DLD: variants seen among roughly 807,000 people sequenced by gnomAD.
DLD encodes dihydrolipoamide dehydrogenase.
A neutral mutation model predicts 62.2 loss-of-function variants in DLD; 36 were observed. The observed-to-expected ratio is 0.58, with a 90% CI of 0.44 to 0.76. The LOEUF (loss-of-function observed/expected upper bound fraction) is 0.76. DLD is among the 30% of genes least tolerant of loss of function. DLD has a pLI of 0.00. For synonymous variants in DLD, 204 were observed against 199.6 expected (o/e 1.02, Z -0.19); for missense variants, 541 against 608.6 (o/e 0.89, Z 1.17).
At chr7:107,909,308 A>T (rs1360771843) in intron 8 of DLD, among the ~76,000 whole-genome samples, 2 of 152,128 alleles carry the variant, frequency 1.3e-5, no homozygotes, top group Non-Finnish European at 2.9e-5. Flanking sequence ...CATAGTTCGT[A>T]AATTTTGGAA....
chr7:107,908,091 C>T (rs2032050289), intron 8 of DLD, among the ~76,000 whole-genome samples: 1 of 151,852 alleles, frequency 6.6e-6, no homozygotes, highest in Non-Finnish European at 1.5e-5. Flanking sequence ...GGGCTGAATT[C>T]TCCATATTAT....
intron 2 of DLD, among the ~76,000 whole-genome samples, chr7:107,896,176 A>G (rs1388438505): frequency 1.3e-5 from 2 of 152,256 alleles, no homozygotes; most frequent in Non-Finnish European, 2.9e-5. Flanking sequence ...AAGACACTGG[A>G]GAACCAACAG....
intron 9 of DLD, among the ~76,000 whole-genome samples, chr7:107,915,931 C>G (rs1174598828): frequency 6.6e-6 from 1 of 151,996 alleles, no homozygotes; most frequent in Non-Finnish European, 1.5e-5. Flanking sequence ...ATAGTACATT[C>G]AGAAAAATTT....
chr7:107,904,656 C>T, intron 5 of DLD: 2 of 495,022 alleles, frequency 4.0e-6, no homozygotes, highest in Non-Finnish European at 7.9e-6. Flanking sequence ...ACTTACATAT[C>T]TTCCAGACTT....
Position 107,919,908 on chromosome 7 carries a change from C to T in DLD, c.*649C>T, listed in dbSNP as rs2032367367. On this transcript the variant is annotated 3_prime_UTR_variant, in exon 14 of 14. Transcript: ENST00000205402. ...TATTTACGGAACTCAAATACGTGGG[C>T]ATTCAAATGTATTACAGTGGGGAAT... 6.6e-6 allele frequency: 1 copy of T among 152,530 alleles called. No individual in the cohort carries two copies. Among genetic ancestry groups the T allele is most frequent in the South Asian group, 2.1e-4 (1 of 4,824 alleles). 9.4% of individuals were successfully genotyped at this position (152,530 alleles called of 1,614,324 possible).
At position 107,904,971 on chromosome 7, in the gene DLD, C is replaced by G. The variant is rs374988228; in HGVS notation, c.351C>G (p.Arg117=). ...AACAAATTACAGTGTCCGAAGTTCG[C>G]TTGAATTTAGACAAGATGATGGAGC... is the stretch of plus-strand genomic sequence containing the variant. ...ASRGIEMSEV[R]LNLDKMMEQK... is the part of the protein sequence containing the mutation. Residue 117 remains arginine (R), a synonymous_variant, in exon 6 of 14, where the codon CGC becomes CGG. Transcript: ENST00000205402. The G allele has an allele frequency of 6.2e-7, 1 of 1,612,568 alleles. No homozygotes were observed. Among genetic ancestry groups the G allele is most frequent in the South Asian group, 1.1e-5 (1 of 91,044 alleles).
At chr7:107,918,936 C>A in intron 12 of DLD, 74 bp from the exon 13 acceptor site, 1 of 1,225,436 alleles carries the variant, frequency 8.2e-7, no homozygotes, top group Non-Finnish European at 1.2e-6. Context: ...AAAAGCTTCC[C>A]CTCAACAATT....
rs145621178 is a variant in DLD, at chr7:107,891,916, A to G, written c.39+627A>G. On this transcript the variant is annotated intron_variant, in intron 1 of 13. Transcript: ENST00000205402. Reference sequence around the variant, plus strand: ...CCTTTTTAATCTGCTTACCAGATACAGCCAAATTGTGTGTATGTGGCACCG... The same window carrying G: ...CCTTTTTAATCTGCTTACCAGATACGGCCAAATTGTGTGTATGTGGCACCG... Among the ~76,000 whole-genome samples, 242 of 152,360 alleles carry G rather than the reference A, an allele frequency of 1.6e-3. 6 individuals are homozygous for G. The East Asian group carries it at 0.041, about 26-fold the overall frequency.
At chr7:107,897,336 A>G (rs2031751663) in intron 2 of DLD, among the ~76,000 whole-genome samples, 1 of 152,210 alleles carries the variant, frequency 6.6e-6, no homozygotes, top group Non-Finnish European at 1.5e-5. Context: ...ATAATGGTAT[A>G]TAGGAGCACA....
chr7:107,903,723 T>C, intron 5 of DLD, 176 bp downstream of exon 5: 1 of 479,292 alleles, frequency 2.1e-6, no homozygotes, highest in East Asian at 3.9e-5. Context: ...AAATCCAGAT[T>C]TCTCCCAGCC....
At chr7:107,918,118 T>C (rs1562921016) in intron 12 of DLD, 57 bp downstream of exon 12, 3 of 1,604,684 alleles carry the variant, frequency 1.9e-6, no homozygotes, top group Non-Finnish European at 2.6e-6. Context: ...CATTGCTGTT[T>C]ATTAATTATA....
At position 107,906,445 on chromosome 7, in the gene DLD, T is replaced by C; in HGVS notation, c.684+77T>C. 5 of 890,404 alleles carry C rather than the reference T, an allele frequency of 5.6e-6. No individual in the cohort carries two copies. In the South Asian group the frequency reaches 6.6e-5, roughly 12 times the overall value. 55.2% of individuals were successfully genotyped at this position (890,404 alleles called of 1,614,324 possible). ...TAAAGGTCCCCTTTTTGATTTTTTGTATAACATTACAGGCTGATCAGCATT... is the reference window on the plus strand; with the variant it reads ...TAAAGGTCCCCTTTTTGATTTTTTGCATAACATTACAGGCTGATCAGCATT... On this transcript the variant is annotated intron_variant, in intron 8 of 13. Coordinates refer to ENST00000205402, the MANE Select transcript of DLD (RefSeq NM_000108.5).
chr7:107,891,375 G>A, intron 1 of DLD, 86 bp downstream of exon 1: 4 of 1,425,162 alleles, frequency 2.8e-6, no homozygotes, highest in African/African-American at 2.5e-5. Context: ...TAACCGTGTT[G>A]GGCTGGCGGA....
At chr7:107,914,760 T>C (rs1174536402) in intron 8 of DLD, among the ~76,000 whole-genome samples, 2 of 152,214 alleles carry the variant, frequency 1.3e-5, no homozygotes, top group Admixed American at 6.5e-5. Flanking sequence ...GCTGTGAAAT[T>C]ATGTTCATCT....
chr7:107,891,472 C>A, intron 1 of DLD, 183 bp downstream of exon 1: 1 of 692,518 alleles, frequency 1.4e-6, no homozygotes, highest in Non-Finnish European at 2.5e-6. Context: ...GCTCATCCTG[C>A]AGCAGGCGAG....
chr7:107,892,102 T>A (rs1191089577), intron 1 of DLD, among the ~76,000 whole-genome samples: 1 of 152,214 alleles, frequency 6.6e-6, no homozygotes, highest in African/African-American at 2.4e-5. Flanking sequence ...GGATTGTCAA[T>A]CTGCTGCTTT....
chr7:107,919,560 T>G lies in DLD; in HGVS notation c.*301T>G, dbSNP rs923462916. On this transcript the variant is annotated 3_prime_UTR_variant, in exon 14 of 14. Coordinates refer to ENST00000205402, the MANE Select transcript of DLD (RefSeq NM_000108.5). ...CATGAAAGATTCAATGCCCCTGAATTTAAATAGCTTTTTTCTCTGATACAG... is the reference window on the plus strand; with the variant it reads ...CATGAAAGATTCAATGCCCCTGAATGTAAATAGCTTTTTTCTCTGATACAG... 4.3e-6 allele frequency: 1 copy of G among 234,154 alleles called. No individual in the cohort carries two copies. Among genetic ancestry groups the G allele is most frequent in the Non-Finnish European group, 8.3e-6 (1 of 120,522 alleles). 14.5% of individuals were successfully genotyped at this position (234,154 alleles called of 1,614,324 possible).
chr7:107,908,658 C>A (rs763519093), intron 8 of DLD, among the ~76,000 whole-genome samples: 1 of 145,758 alleles, frequency 6.9e-6, no homozygotes, highest in Admixed American at 6.9e-5. Flanking sequence ...AAGAGTGAGA[C>A]CCTGTCTCAA....
chr7:107,894,932 CTG>C (rs1168191552), intron 2 of DLD, among the ~76,000 whole-genome samples: 1 of 152,174 alleles, frequency 6.6e-6, no homozygotes, highest in African/African-American at 2.4e-5. Flanking sequence ...AGGACAGGGA[CTG>C]TGTGTGACTG....
Sources: gnomAD v4.1 joint callset for allele counts (sites outside exome capture counted in the v4.1 genomes callset) on GRCh38, gnomAD v4.1.1 for gene constraint, MANE v1.5 for transcripts, NCBI Gene and HGNC (gene_info 2026-07-23, HGNC 2026-07-21) for gene names.